SLCO3A1: variants seen among roughly 807,000 people sequenced by gnomAD.
The protein encoded by SLCO3A1 is solute carrier organic anion transporter family member 3A1, also known as PGE1 transporter.
A neutral mutation model predicts 63.1 loss-of-function variants in SLCO3A1; 27 were observed. That is an observed-to-expected ratio of 0.43 (90% CI 0.32 to 0.59). The LOEUF (loss-of-function observed/expected upper bound fraction) is 0.59, where lower values mean the gene tolerates loss of function less well. Among genes scored for constraint, SLCO3A1 ranks in the 20% least tolerant of loss-of-function variants. SLCO3A1 has a pLI of 0.09. For missense variants in SLCO3A1, 773 were observed against 945.8 expected (o/e 0.82, Z 2.40); for synonymous variants, 473 against 409.9 (o/e 1.15, Z -1.86).
chr15:92,109,382 C>T lies in SLCO3A1; in HGVS notation c.1009+4840C>T, dbSNP rs141978907. Among the ~76,000 whole-genome samples, 131 of 152,312 alleles carry T rather than the reference C, an allele frequency of 8.6e-4. 2 individuals are homozygous for T. The East Asian group carries it at 0.012, about 14-fold the overall frequency. ...TTCTTAGCAGAGTGTACTAGAAGTA[C>T]GGCTGCTGGCTGCAACAGCACAGGT... On this transcript the variant is annotated intron_variant, in intron 4 of 9. Transcript: ENST00000318445.
At chr15:91,866,898 A>G (rs559071409) in intron 1 of SLCO3A1, among the ~76,000 whole-genome samples, 1 of 152,290 alleles carries the variant, frequency 6.6e-6, no homozygotes, top group East Asian at 1.9e-4. Context: ...GGGCCTGGGT[A>G]GACTGGTCGG....
intron 2 of SLCO3A1, among the ~76,000 whole-genome samples, chr15:92,081,418 T>C (rs1436671071): frequency 2.0e-5 from 3 of 152,146 alleles, no homozygotes; most frequent in South Asian, 4.2e-4. Flanking sequence ...TGTTGTGATC[T>C]CGGCTCACTG....
chr15:91,917,252 A>T (rs1490245492), intron 2 of SLCO3A1, among the ~76,000 whole-genome samples: 2 of 152,188 alleles, frequency 1.3e-5, no homozygotes, highest in African/African-American at 4.8e-5. Flanking sequence ...TTTTTCTGAC[A>T]TCCCCAGTCA....
chr15:92,136,937 A>G (rs2048065152), intron 7 of SLCO3A1, among the ~76,000 whole-genome samples: 1 of 148,898 alleles, frequency 6.7e-6, no homozygotes, highest in African/African-American at 2.5e-5. Context: ...ATGGCTATAT[A>G]GTATTCCATC....
chr15:92,085,057 A>G (rs979168005), intron 2 of SLCO3A1, among the ~76,000 whole-genome samples: 13 of 152,334 alleles, frequency 8.5e-5, no homozygotes, highest in African/African-American at 3.1e-4. Context: ...TACTCACCAC[A>G]GCCCTATAAA....
intron 2 of SLCO3A1, among the ~76,000 whole-genome samples, chr15:91,978,589 G>A (rs1901210959): frequency 6.6e-6 from 1 of 152,178 alleles, no homozygotes; most frequent in Non-Finnish European, 1.5e-5. Flanking sequence ...TCCCCCCTCA[G>A]TGGAATGTAT....
intron 4 of SLCO3A1, among the ~76,000 whole-genome samples, chr15:92,114,017 C>T (rs114396299): frequency 0.013 from 2,026 of 152,308 alleles, 46 homozygotes; most frequent in African/African-American, 0.045. Flanking sequence ...TCTTTGTGAA[C>T]TCCCAATTGC....
chr15:92,007,053 T>G (rs1181137405), intron 2 of SLCO3A1, among the ~76,000 whole-genome samples: 1 of 152,236 alleles, frequency 6.6e-6, no homozygotes, highest in Non-Finnish European at 1.5e-5. Flanking sequence ...TCACATGCAT[T>G]GCACAACAGT....
At chr15:91,926,696 G>A (rs762058737) in intron 2 of SLCO3A1, among the ~76,000 whole-genome samples, 5 of 152,024 alleles carry the variant, frequency 3.3e-5, no homozygotes, top group African/African-American at 4.8e-5. Context: ...AAATCGAGAT[G>A]TATTTCTTTA....
chr15:91,904,286 C>T (rs1267154969), intron 1 of SLCO3A1, among the ~76,000 whole-genome samples: 1 of 152,212 alleles, frequency 6.6e-6, no homozygotes, highest in Non-Finnish European at 1.5e-5. Flanking sequence ...TGACCAGATA[C>T]TGTGCATCCA....
chr15:91,881,753 G>C (rs567973918), intron 1 of SLCO3A1, among the ~76,000 whole-genome samples: 1 of 152,122 alleles, frequency 6.6e-6, no homozygotes, highest in Non-Finnish European at 1.5e-5. Context: ...GCAACATGCC[G>C]AGTCTACCAG....
chr15:92,059,513 C>G (rs995002), intron 2 of SLCO3A1, among the ~76,000 whole-genome samples: 84,013 of 152,038 alleles, frequency 0.55, 24,377 homozygotes, highest in Admixed American at 0.69. Flanking sequence ...CTCAGGGAAG[C>G]TTGTCACTTC....
rs1448324901 is a variant in SLCO3A1, at chr15:91,860,824, A to T, written c.180+6736A>T. ...CGTGTTCTCTTGCAGTATTAAGTGGACTCTGGCAAGCAGGTCTGTGGGCAT... is the reference window on the plus strand; with the variant it reads ...CGTGTTCTCTTGCAGTATTAAGTGGTCTCTGGCAAGCAGGTCTGTGGGCAT... On this transcript the variant is annotated intron_variant, in intron 1 of 9. Coordinates refer to ENST00000318445, the MANE Select transcript of SLCO3A1 (RefSeq NM_013272.4). The surrounding 1 kb of genome is among the most constrained non-coding windows in gnomAD (Gnocchi z 5.5). 1.3e-5 allele frequency among the ~76,000 whole-genome samples: 2 copies of T among 150,634 alleles called. No individual in the cohort carries two copies. Among genetic ancestry groups the T allele is most frequent in the East Asian group, 3.9e-4 (2 of 5,146 alleles).
intron 2 of SLCO3A1, among the ~76,000 whole-genome samples, chr15:92,030,364 G>A (rs73536107): frequency 5.3e-4 from 80 of 152,262 alleles, no homozygotes; most frequent in African/African-American, 1.5e-3. Flanking sequence ...CTTGCTTTGC[G>A]GGGAGCTTCT....
At chr15:92,094,793 A>G (rs935317836) in intron 2 of SLCO3A1, 88 bp from the exon 3 acceptor site, 11 of 811,930 alleles carry the variant, frequency 1.4e-5, no homozygotes, top group Admixed American at 4.0e-5. Flanking sequence ...CATCTCATCA[A>G]TGTAAAATAA....
At position 92,147,070 on chromosome 15, in the gene SLCO3A1, A is replaced by G. The variant is rs540544054; in HGVS notation, c.1599A>G (p.Gln533=). The G allele has an allele frequency of 1.2e-6, 2 of 1,614,184 alleles. No individual in the cohort carries two copies. Among genetic ancestry groups the G allele is most frequent in the Middle Eastern group, 1.6e-4 (1 of 6,062 alleles). The change falls in exon 8 of 10, where the codon CAA becomes CAG. Residue 533 remains glutamine, a synonymous_variant. Transcript: ENST00000318445. ...GAAAATGCCCCAGTCCTGGGTGCCA[A>G]GAGGCCTTCCTCACTTTCCTCTGTG... ...VPGKCPSPGC[Q]EAFLTFLCVM...
intron 2 of SLCO3A1, among the ~76,000 whole-genome samples, chr15:91,944,931 T>G (rs1899752811): frequency 6.6e-6 from 1 of 152,204 alleles, no homozygotes; most frequent in Non-Finnish European, 1.5e-5. Context: ...AAATTTCAAC[T>G]TTTCTCCAAT....
At position 91,856,373 on chromosome 15, in the gene SLCO3A1, C is replaced by A. The variant is rs1206790447; in HGVS notation, c.180+2285C>A. Among the ~76,000 whole-genome samples the A allele has an allele frequency of 6.6e-6, 1 of 152,166 alleles. No individual in the cohort carries two copies. Among genetic ancestry groups the A allele is most frequent in the Admixed American group, 6.5e-5 (1 of 15,286 alleles). ...TTTGCCCGGCTGCCCTCGTCTTTGCCTTGCCATCGGAGCCTCATGAAAATA... is the reference window on the plus strand; with the variant it reads ...TTTGCCCGGCTGCCCTCGTCTTTGCATTGCCATCGGAGCCTCATGAAAATA... On this transcript the variant is annotated intron_variant, in intron 1 of 9. Transcript: ENST00000318445. The surrounding 1 kb of genome is among the most constrained non-coding windows in gnomAD (Gnocchi z 4.9).
At chr15:91,959,495 T>A (rs913047163) in intron 2 of SLCO3A1, among the ~76,000 whole-genome samples, 1 of 151,970 alleles carries the variant, frequency 6.6e-6, no homozygotes, top group African/African-American at 2.4e-5. Context: ...TTTGGGAAGC[T>A]GAGGCGGGCA....
Sources: gnomAD v4.1 joint callset for allele counts (sites outside exome capture counted in the v4.1 genomes callset) on GRCh38, gnomAD v4.1.1 for gene constraint, Gnocchi (gnomAD v3.1) non-coding constraint, MANE v1.5 for transcripts, NCBI Gene and HGNC (gene_info 2026-07-23, HGNC 2026-07-21) for gene names.